Variants in FAM78B observed in about 807,000 individuals in gnomAD.
FAM78B encodes the protein family with sequence similarity 78 member B, also known as protein FAM78B.
FAM78B carries 10 observed loss-of-function variants against 20.0 expected under a neutral mutation model. That is an observed-to-expected ratio of 0.50 (90% CI 0.31 to 0.85). The LOEUF (loss-of-function observed/expected upper bound fraction) is 0.85, where lower values mean the gene tolerates loss of function less well. Ranked by LOEUF, FAM78B falls within the 40% of genes least tolerant of loss-of-function variation. The pLI is 0.05. For missense variants in FAM78B, 283 were observed against 345.0 expected (o/e 0.82, Z 1.42); for synonymous variants, 135 against 132.8 (o/e 1.02, Z -0.12).
Position 166,130,981 on chromosome 1 carries a change from CTTTT to C in FAM78B, c.263+35001_263+35004del, listed in dbSNP as rs869158425. 1.4e-4 allele frequency among the ~76,000 whole-genome samples: 16 copies of C among 114,054 alleles called. No individual in the cohort carries two copies. In the East Asian group the frequency reaches 1.5e-3, roughly 11 times the overall value. The allele number at this position is 114,054 out of a possible 152,430, so 74.8% of individuals were successfully genotyped here. On this transcript the variant is annotated intron_variant, in intron 1 of 1. Transcript: ENST00000354422. ...TGGTGTATCTGCATCTCCCCAGGTGCTTTTTTTTTTTTTTTTTTTTTTTGATACA... is the reference window on the plus strand; with the variant it reads ...TGGTGTATCTGCATCTCCCCAGGTGCTTTTTTTTTTTTTTTTTTTGATACA...
At chr1:166,130,611 G>A (rs1253431230) in intron 1 of FAM78B, among the ~76,000 whole-genome samples, 1 of 152,120 alleles carries the variant, frequency 6.6e-6, no homozygotes, top group Non-Finnish European at 1.5e-5. Context: ...ACAGCCCTCT[G>A]CTGCCACTCC....
At chr1:166,103,251 G>A (rs1484638720) in intron 1 of FAM78B, among the ~76,000 whole-genome samples, 1 of 152,076 alleles carries the variant, frequency 6.6e-6, no homozygotes, top group East Asian at 1.9e-4. Flanking sequence ...AGAGAAAGCA[G>A]GAAAGATCTA....
chr1:166,111,278 C>T (rs534756742), intron 1 of FAM78B, among the ~76,000 whole-genome samples: 2 of 152,314 alleles, frequency 1.3e-5, no homozygotes, highest in African/African-American at 4.8e-5. Context: ...TAGGAACTCT[C>T]TCCAGGACTG....
In FAM78B at chr1:166,164,227, C is replaced by T. The variant is rs1001158055; in HGVS notation, c.263+1759G>A. Among the ~76,000 whole-genome samples the T allele has an allele frequency of 3.3e-5, 5 of 152,378 alleles. No individual in the cohort carries two copies. In the East Asian group the frequency reaches 7.7e-4, roughly 23 times the overall value. ...TCTGCACAGTCACTCCTGGCTTCCT[C>T]TACCAGGGGCCCCAGGCTGCTGTGG... On this transcript the variant is annotated intron_variant, in intron 1 of 1. Coordinates refer to ENST00000354422, the MANE Select transcript of FAM78B (RefSeq NM_001017961.5).
At chr1:166,060,655 C>G in exon 3 of FAM78B, 1 of 1,288,392 alleles carries the variant, frequency 7.8e-7, no homozygotes, top group Non-Finnish European at 1.0e-6. Flanking sequence ...CCTTGTCCTA[C>G]TAGGAGACCT....
chr1:166,126,352 G>C (rs932325936), intron 1 of FAM78B, among the ~76,000 whole-genome samples: 3 of 152,176 alleles, frequency 2.0e-5, no homozygotes, highest in Admixed American at 6.5e-5. Context: ...TCTCTGACTT[G>C]TATATGGACA....
chr1:166,132,768 G>A (rs1212294383), intron 1 of FAM78B, among the ~76,000 whole-genome samples: 3 of 152,158 alleles, frequency 2.0e-5, no homozygotes, highest in Admixed American at 1.3e-4. Flanking sequence ...TACTACATCA[G>A]CTAAGTGTAC....
chr1:166,071,258 A>C (rs1486142027), intron 1 of FAM78B, among the ~76,000 whole-genome samples: 1 of 152,242 alleles, frequency 6.6e-6, no homozygotes, highest in Non-Finnish European at 1.5e-5. Context: ...ATAGTAATAG[A>C]ATTTCTACTT....
chr1:166,076,187 G>A (rs7524575), intron 1 of FAM78B, among the ~76,000 whole-genome samples: 127,232 of 152,146 alleles, frequency 0.84, 53,386 homozygotes, highest in Non-Finnish European at 0.87. Context: ...CTTGCTCAAA[G>A]TGTTTCCATG....
rs552490039 is a variant in FAM78B at position 166,101,092 on chromosome 1, G to T, written c.264-30329C>A. 3.3e-5 allele frequency among the ~76,000 whole-genome samples: 5 copies of T among 152,308 alleles called. No homozygotes were observed. In the South Asian group the frequency reaches 8.3e-4, roughly 25 times the overall value. On this transcript the variant is annotated intron_variant, in intron 1 of 1. Coordinates refer to ENST00000354422, the MANE Select transcript of FAM78B (RefSeq NM_001017961.5). ...TACCCAGGCAAACAGGGTCTGGAGT[G>T]GGCCTCTGGCAAACTCCAACAGACC...
chr1:166,086,073 C>CTTTTTTT, intron 1 of FAM78B, among the ~76,000 whole-genome samples: 1 of 132,936 alleles, frequency 7.5e-6, no homozygotes. Context: ...CTATGTTACT[C>CTTTTTTT]TTTTTTTTTT....
intron 1 of FAM78B, among the ~76,000 whole-genome samples, chr1:166,153,911 C>G (rs1201215380): frequency 6.6e-6 from 1 of 152,160 alleles, no homozygotes; most frequent in Non-Finnish European, 1.5e-5. Flanking sequence ...CCCATTCTTC[C>G]CCAACCCCAC....
At chr1:166,072,364 T>C (rs1371858017) in intron 1 of FAM78B, among the ~76,000 whole-genome samples, 1 of 152,200 alleles carries the variant, frequency 6.6e-6, no homozygotes, top group Admixed American at 6.5e-5. Flanking sequence ...ATGCCCTTGG[T>C]AACTGCTGGG....
chr1:166,104,688 C>T (rs1653691333), intron 1 of FAM78B, among the ~76,000 whole-genome samples: 1 of 152,142 alleles, frequency 6.6e-6, no homozygotes, highest in East Asian at 1.9e-4. Flanking sequence ...CAAACCACTG[C>T]TCAACAAAAT....
chr1:166,125,451 G>A (rs527302617), intron 1 of FAM78B, among the ~76,000 whole-genome samples: 2 of 152,302 alleles, frequency 1.3e-5, no homozygotes, highest in Non-Finnish European at 2.9e-5. Context: ...CATCTTCCCT[G>A]CCAGTGGGAC....
rs1651982849 is a variant in FAM78B at position 166,070,477 on chromosome 1, T to A, written c.550A>T (p.Ile184Phe). 1 of 1,614,114 alleles carries A rather than the reference T, an allele frequency of 6.2e-7. No homozygotes were observed. The highest frequency in any genetic ancestry group is 1.3e-5 in the African/African-American group (1 of 74,948). The change falls in exon 2 of 2, where the codon ATC becomes TTC. Residue 184 changes from isoleucine to phenylalanine, a missense_variant. Transcript: ENST00000354422. ...CTCCACTTGATGGTCTGCAGAATGATCTTCTCCTTTGTGGTGGTGTTCATG... is the reference window on the plus strand; with the variant it reads ...CTCCACTTGATGGTCTGCAGAATGAACTTCTCCTTTGTGGTGGTGTTCATG... Reference protein sequence around the residue: ...VAMNTTTKEKIILQTIKWRMR... With the variant: ...VAMNTTTKEKFILQTIKWRMR...
intron 1 of FAM78B, among the ~76,000 whole-genome samples, chr1:166,118,787 G>A (rs912632176): frequency 6.6e-6 from 1 of 152,084 alleles, no homozygotes; most frequent in Non-Finnish European, 1.5e-5. Flanking sequence ...GGCTTACTTC[G>A]AGGGAGCTAG....
chr1:166,078,854 A>T (rs1169470978), intron 1 of FAM78B, among the ~76,000 whole-genome samples: 1 of 151,488 alleles, frequency 6.6e-6, no homozygotes, highest in Non-Finnish European at 1.5e-5. Flanking sequence ...GAGAGCTTCT[A>T]GGGCAGATTT....
At chr1:166,145,610 C>T (rs940314578) in intron 1 of FAM78B, among the ~76,000 whole-genome samples, 7 of 152,186 alleles carry the variant, frequency 4.6e-5, no homozygotes, top group African/African-American at 1.7e-4. Flanking sequence ...CTAAGACAGG[C>T]CACAATGCAT....
Sources: gnomAD v4.1 joint callset for allele counts (sites outside exome capture counted in the v4.1 genomes callset) on GRCh38, gnomAD v4.1.1 for gene constraint, MANE v1.5 for transcripts, NCBI Gene and HGNC (gene_info 2026-07-23, HGNC 2026-07-21) for gene names.